ABCC4: variants seen among roughly 807,000 people sequenced by gnomAD.
ABCC4 encodes ATP binding cassette subfamily C member 4 (PEL blood group).
ABCC4 carries 102 observed loss-of-function variants against 168.5 expected under a neutral mutation model. That is an observed-to-expected ratio of 0.61 (90% CI 0.52 to 0.71). ABCC4 has a LOEUF of 0.71. ABCC4 is among the 30% of genes least tolerant of loss of function. The probability of loss-of-function intolerance (pLI) is 0.00; values close to 1 mark genes in which losing one functional copy is unlikely to be tolerated. For missense variants in ABCC4, 1,402 were observed against 1,605.8 expected, an observed-to-expected ratio of 0.87 and a Z score of 2.17; for synonymous variants, 617 against 590.7, an observed-to-expected ratio of 1.04 and a Z score of -0.65.
At chr13:95,236,190 C>G (rs536014428) in intron 3 of ABCC4, among the ~76,000 whole-genome samples, 1 of 152,144 alleles carries the variant, frequency 6.6e-6, no homozygotes, top group South Asian at 2.1e-4. Context: ...GTAAGGGACC[C>G]TTTTCCCCCA....
chr13:95,157,500 A>G (rs921784386), intron 19 of ABCC4, among the ~76,000 whole-genome samples: 1 of 81,252 alleles, frequency 1.2e-5, no homozygotes, highest in Admixed American at 1.4e-4. Flanking sequence ...AGGAAGAAAG[A>G]GGAAGGAAGG....
chr13:95,091,461 T>C (rs980054835), intron 20 of ABCC4, among the ~76,000 whole-genome samples: 2 of 152,176 alleles, frequency 1.3e-5, no homozygotes, highest in Non-Finnish European at 2.9e-5. Flanking sequence ...GCAGAAACCC[T>C]ATAAGCTAGA....
At chr13:95,265,306 G>C (rs1231122138) in intron 1 of ABCC4, among the ~76,000 whole-genome samples, 4 of 152,052 alleles carry the variant, frequency 2.6e-5, no homozygotes, top group Non-Finnish European at 4.4e-5. Context: ...CACCACTCTT[G>C]CAACTTTTCT....
In ABCC4 at chr13:95,140,930, G is replaced by A. The variant is rs1366165907; in HGVS notation, c.2455+20259C>T. ...TTATGGGAAAATCAGGCTTCTGCAC[G>A]ACATCAAAGTCCTTGCAGACCATGA... On this transcript the variant is annotated intron_variant, in intron 19 of 30. Transcript: ENST00000645237. 3.3e-5 allele frequency among the ~76,000 whole-genome samples: 5 copies of A among 152,288 alleles called. No homozygotes were observed. In the South Asian group the frequency reaches 6.2e-4, roughly 19 times the overall value.
intron 20 of ABCC4, chr13:95,096,114 A>G: frequency 1.7e-6 from 1 of 598,386 alleles, no homozygotes; most frequent in South Asian, 2.0e-5. Context: ...TTGCTTGAGG[A>G]GGGAGGAGGA....
intron 29 of ABCC4, among the ~76,000 whole-genome samples, chr13:95,036,396 T>G (rs957212866): frequency 1.3e-5 from 2 of 152,116 alleles, no homozygotes; most frequent in Non-Finnish European, 2.9e-5. Flanking sequence ...CCTACTAAAT[T>G]TATTCACATT....
In ABCC4 at chr13:95,163,780, C is replaced by T. The variant is rs190449135; in HGVS notation, c.2176-133G>A. 5.1e-4 allele frequency: 367 copies of T among 721,700 alleles called. 1 individual carries two copies. The highest frequency in any genetic ancestry group is 7.1e-4 in the South Asian group (41 of 57,482). The allele number at this position is 721,700 out of a possible 1,614,324, so 44.7% of individuals were successfully genotyped here. A position where few individuals can be genotyped will look rare whatever the true frequency, so the allele number is the denominator to read the frequency against. On this transcript the variant is annotated intron_variant, in intron 16 of 30. Transcript: ENST00000645237. ...GGCGTGGTGGCTCATGCTTGTAAAC[C>T]CCAGCACTTTGGGAGGCTGAGGCAG...
intron 8 of ABCC4, among the ~76,000 whole-genome samples, chr13:95,196,691 A>C (rs1254115241): frequency 1.3e-5 from 1 of 77,316 alleles, no homozygotes; most frequent in Admixed American, 1.2e-4. Context: ...GAAGGAAGGA[A>C]GGAAGGAAGG....
chr13:95,201,573 G>C (rs1180833350), intron 8 of ABCC4, among the ~76,000 whole-genome samples: 1 of 152,140 alleles, frequency 6.6e-6, no homozygotes, highest in Non-Finnish European at 1.5e-5. Context: ...TGTAAGTTTA[G>C]AGTTTAGGAA....
intron 30 of ABCC4, 92 bp from the exon 31 acceptor site, chr13:95,021,774 G>T: frequency 1.2e-6 from 1 of 849,376 alleles, no homozygotes; most frequent in Non-Finnish European, 1.8e-6. Context: ...ACTTCTTCAT[G>T]TGAAGCAAAT....
chr13:95,061,762 G>C (rs981127288), intron 26 of ABCC4, among the ~76,000 whole-genome samples: 2 of 151,978 alleles, frequency 1.3e-5, no homozygotes, highest in Non-Finnish European at 2.9e-5. Context: ...TGAAGGACAG[G>C]ATGGAACTGT....
intron 1 of ABCC4, among the ~76,000 whole-genome samples, chr13:95,254,979 T>C (rs995097455): frequency 6.6e-6 from 1 of 152,178 alleles, no homozygotes; most frequent in African/African-American, 2.4e-5. Flanking sequence ...TTTTAACATA[T>C]TTAAACTCCA....
At chr13:95,120,630 A>C (rs370741901) in intron 19 of ABCC4, among the ~76,000 whole-genome samples, 1 of 151,896 alleles carries the variant, frequency 6.6e-6, no homozygotes, top group East Asian at 1.9e-4. Context: ...GGAAGCCAGA[A>C]GTACAGAGAG....
intron 3 of ABCC4, among the ~76,000 whole-genome samples, chr13:95,238,384 A>C (rs1479055933): frequency 1.3e-5 from 2 of 152,054 alleles, no homozygotes; most frequent in African/African-American, 4.8e-5. Flanking sequence ...GGAGACTTAC[A>C]CGCTCACTGA....
chr13:95,021,716 T>G, intron 30 of ABCC4, 34 bp from the exon 31 acceptor site: 1 of 1,486,594 alleles, frequency 6.7e-7, no homozygotes, highest in Non-Finnish European at 9.3e-7. Context: ...AAAAAGAATG[T>G]TTCAAAATTT....
intron 4 of ABCC4, 123 bp from the exon 5 acceptor site, chr13:95,210,904 CA>C: frequency 3.2e-6 from 2 of 621,742 alleles, no homozygotes; most frequent in Non-Finnish European, 5.7e-6. Flanking sequence ...CAAGCATCCC[CA>C]CCCCCCCACT....
Position 95,209,448 on chromosome 13 carries a change from C to A in ABCC4, c.771G>T (p.Leu257Phe), listed in dbSNP as rs2038885844. 2 of 1,614,070 alleles carry A rather than the reference C, an allele frequency of 1.2e-6. No homozygotes were observed. The highest frequency in any genetic ancestry group is 1.7e-6 in the Non-Finnish European group (2 of 1,179,954). ...ATTTCTCTTACCTCAGTGATGAGAA[C>A]AACTTCCCAAAACAGCTTTGCAAGG... ...LLPLQSCFGK[L>F]FSSLRSKTAT... The change falls in exon 6 of 31, where the codon TTG becomes TTT. Residue 257 changes from leucine (L) to phenylalanine (F), a missense_variant. Physicochemically the swap from Leu to Phe is conservative, Grantham distance 22. Around this residue, in one of 3 missense-constraint regions of ABCC4, gnomAD observed 317 missense variants for 345.5 expected, o/e 0.92. Coordinates refer to ENST00000645237, the MANE Select transcript of ABCC4 (RefSeq NM_005845.5).
intron 5 of ABCC4, among the ~76,000 whole-genome samples, chr13:95,210,289 C>T (rs4148473): frequency 0.056 from 8,536 of 152,180 alleles, 285 homozygotes; most frequent in East Asian, 0.1. Context: ...GACCAGCCTG[C>T]GCAACAAGGC....
intron 3 of ABCC4, among the ~76,000 whole-genome samples, chr13:95,245,858 C>G (rs1248823183): frequency 1.3e-4 from 19 of 148,688 alleles, no homozygotes; most frequent in African/African-American, 4.2e-4. Context: ...CAAACCCCCC[C>G]ACATACAAAC....
Sources: allele counts gnomAD v4.1 joint callset (sites outside exome capture counted in the v4.1 genomes callset), GRCh38; gene constraint gnomAD v4.1.1; regional missense constraint gnomAD v4.1.1; transcripts MANE v1.5; gene names NCBI Gene and HGNC (gene_info 2026-07-23, HGNC 2026-07-21).